The following FUT8 variants were observed in gnomAD, a reference collection of about 807,000 sequenced individuals.
The protein encoded by FUT8 is alpha-(1,6)-fucosyltransferase.
FUT8 carries 29 observed loss-of-function variants against 71.3 expected under a neutral mutation model. The observed-to-expected ratio is 0.41, with a 90% confidence interval of 0.30 to 0.55. The LOEUF is 0.55. Ranked by LOEUF, FUT8 falls within the 20% of genes least tolerant of loss-of-function variation. The pLI is 0.34. For synonymous variants in FUT8, 254 were observed against 239.3 expected (o/e 1.06, Z -0.57); for missense variants, 544 against 702.1 (o/e 0.77, Z 2.55).
chr14:65,483,632 A>G lies in FUT8; in HGVS notation c.-228+27914A>G, dbSNP rs1234670597. On this transcript the variant is annotated intron_variant, in intron 2 of 10. Coordinates refer to ENST00000673929, the MANE Select transcript of FUT8 (RefSeq NM_001371533.1). This position sits in a 1 kb window ranked among gnomAD's most constrained non-coding sequence, Gnocchi z 4.4. ...TTTCAGCAGTATTTTATTGTTTTCA[A>G]TGTACTGATCTTACCCATATTTTAT... Among the ~76,000 whole-genome samples the G allele has an allele frequency of 6.6e-6, 1 of 152,108 alleles. No homozygotes were observed. The highest frequency in any genetic ancestry group is 1.9e-4 in the East Asian group (1 of 5,200).
At chr14:65,591,079 G>A (rs953715055) in intron 3 of FUT8, among the ~76,000 whole-genome samples, 2 of 152,078 alleles carry the variant, frequency 1.3e-5, no homozygotes, top group Admixed American at 6.5e-5. Flanking sequence ...CTACTTTGTC[G>A]ACATTTTGGA....
At chr14:65,475,248 A>C (rs1485602457) in intron 2 of FUT8, among the ~76,000 whole-genome samples, 1 of 152,242 alleles carries the variant, frequency 6.6e-6, no homozygotes, top group Non-Finnish European at 1.5e-5. Flanking sequence ...TAATTACAGT[A>C]CAGGAAGTCC....
chr14:65,369,231 C>A, the FUT8 span, among the ~76,000 whole-genome samples: 2 of 152,134 alleles, frequency 1.3e-5, no homozygotes, highest in Admixed American at 1.3e-4. This position sits in a 1 kb window ranked among gnomAD's most constrained non-coding sequence, Gnocchi z 4.6. Flanking sequence ...GACCAGGCCC[C>A]AAATATGGGG....
chr14:65,406,094 G>A (rs1356052455), upstream of FUT8, among the ~76,000 whole-genome samples: 2 of 152,212 alleles, frequency 1.3e-5, no homozygotes, highest in African/African-American at 4.8e-5. Context: ...AATACAGGTC[G>A]ATGGTCTGAA....
intron 3 of FUT8, among the ~76,000 whole-genome samples, chr14:65,594,297 C>T (rs1887845310): frequency 6.6e-6 from 1 of 152,182 alleles, no homozygotes; most frequent in Admixed American, 6.5e-5. Context: ...CCTGGCTCCA[C>T]CCCTCGCAGG....
chr14:65,381,277 G>C, the FUT8 span, among the ~76,000 whole-genome samples: 1 of 151,998 alleles, frequency 6.6e-6, no homozygotes, highest in African/African-American at 2.4e-5. Flanking sequence ...CTAAACTAAA[G>C]GAATATTATC....
chr14:65,670,649 A>G (rs1892431568), intron 7 of FUT8, among the ~76,000 whole-genome samples: 3 of 152,162 alleles, frequency 2.0e-5, no homozygotes, highest in African/African-American at 7.2e-5. Context: ...TTCACGAGCT[A>G]CAACACTAGA....
At chr14:65,633,817 C>T (rs1402625420) in intron 6 of FUT8, among the ~76,000 whole-genome samples, 22 of 151,542 alleles carry the variant, frequency 1.5e-4, no homozygotes, top group East Asian at 3.9e-4. Flanking sequence ...GGAGCGTCTC[C>T]GCCCGGCAGC....
intron 6 of FUT8, among the ~76,000 whole-genome samples, chr14:65,633,837 C>T (rs1401859969): frequency 2.2e-4 from 33 of 152,134 alleles, no homozygotes; most frequent in East Asian, 7.8e-4. Flanking sequence ...CCACCCTGTC[C>T]GGGAGGGAGG....
intron 7 of FUT8, among the ~76,000 whole-genome samples, chr14:65,712,330 A>C (rs1894846414): frequency 6.6e-6 from 1 of 152,256 alleles, no homozygotes; most frequent in East Asian, 1.9e-4. Context: ...TCTGAAAGTA[A>C]TCATAATCTG....
At chr14:65,576,696 C>CTTTTTTTTTTTTTTTTTTTTTTTTT (rs376473739) in intron 3 of FUT8, among the ~76,000 whole-genome samples, 8 of 96,218 alleles carry the variant, frequency 8.3e-5, no homozygotes, top group Non-Finnish European at 7.2e-5. Context: ...GCCCAGCTTG[C>CTTTTTTTTTTTTTTTTTTTTTTTTT]TTTTTTTTTT....
the FUT8 span, among the ~76,000 whole-genome samples, chr14:65,376,929 T>A: frequency 6.6e-6 from 1 of 152,222 alleles, no homozygotes. Flanking sequence ...GATGTGTCAG[T>A]TACTCTCAGG....
intron 1 of FUT8, among the ~76,000 whole-genome samples, chr14:65,435,111 C>G (rs940089151): frequency 3.3e-5 from 5 of 152,156 alleles, no homozygotes; most frequent in Admixed American, 2.0e-4. Flanking sequence ...CCTTCAGATA[C>G]TAAAATTCAC....
At chr14:65,618,705 CT>C (rs144921019) in intron 5 of FUT8, among the ~76,000 whole-genome samples, 1 of 152,092 alleles carries the variant, frequency 6.6e-6, no homozygotes, top group Non-Finnish European at 1.5e-5. Context: ...TCAAAACAAA[CT>C]TTTAGGTTTG....
rs763718984 is a variant in FUT8, at chr14:65,700,381, G to GTTTTT, written c.836-21371_836-21367dup. On this transcript the variant is annotated intron_variant, in intron 7 of 10. Coordinates refer to ENST00000673929, the MANE Select transcript of FUT8 (RefSeq NM_001371533.1). ...AAACTACTTTCTTTTCTTTCTTTCT[G>GTTTTT]TTTTTTTTTTTTTTTTTTTTTTTTT... is the stretch of plus-strand genomic sequence containing the variant. 1.1e-3 allele frequency among the ~76,000 whole-genome samples: 52 copies of GTTTTT among 48,882 alleles called. 7 individuals are homozygous for GTTTTT. Among genetic ancestry groups the GTTTTT allele is most frequent in the African/African-American group, 3.6e-3 (43 of 11,840 alleles). 32.1% of individuals were successfully genotyped at this position (48,882 alleles called of 152,430 possible). A position where few individuals can be genotyped will look rare whatever the true frequency, so the allele number is the denominator to read the frequency against.
Position 65,504,339 on chromosome 14 carries a change from T to C in FUT8, c.-228+48621T>C, listed in dbSNP as rs374326102. On this transcript the variant is annotated intron_variant, in intron 2 of 10. Transcript: ENST00000673929. ...GGAGACTCAAATGTAGGGATATATA[T>C]CTTATTTGAATGGTTTTGTGTGGGA... Among the ~76,000 whole-genome samples the C allele has an allele frequency of 5.3e-5, 8 of 152,320 alleles. No individual in the cohort carries two copies. The South Asian group carries it at 1.0e-3, about 20-fold the overall frequency.
At chr14:65,705,974 T>C (rs1172479735) in intron 7 of FUT8, among the ~76,000 whole-genome samples, 1 of 152,220 alleles carries the variant, frequency 6.6e-6, no homozygotes, top group African/African-American at 2.4e-5. Flanking sequence ...TCTTCCTAGA[T>C]CAAACTATAG....
At chr14:65,651,815 A>G (rs1319373279) in intron 6 of FUT8, among the ~76,000 whole-genome samples, 5 of 152,206 alleles carry the variant, frequency 3.3e-5, no homozygotes, top group Admixed American at 3.3e-4. Context: ...TCAAATTTAG[A>G]TCAATATAAA....
At chr14:65,584,175 C>T (rs945772510) in intron 3 of FUT8, among the ~76,000 whole-genome samples, 6 of 119,416 alleles carry the variant, frequency 5.0e-5, no homozygotes, top group African/African-American at 1.8e-4. Flanking sequence ...CCACCACGCC[C>T]AGCCTTTTTT....
Sources: gnomAD v4.1 joint callset for allele counts (sites outside exome capture counted in the v4.1 genomes callset) on GRCh38, gnomAD v4.1.1 for gene constraint, Gnocchi (gnomAD v3.1) non-coding constraint, MANE v1.5 for transcripts, NCBI Gene and HGNC (gene_info 2026-07-23, HGNC 2026-07-21) for gene names.